The following FBXO8 variants were observed in gnomAD, a reference collection of about 807,000 sequenced individuals.
FBXO8 encodes the protein F-box protein 8, also known as F-box only protein 8.
In FBXO8, 15 loss-of-function variants were observed where a neutral mutation model predicts 33.4. That is an observed-to-expected ratio of 0.45 (90% CI 0.30 to 0.69). The LOEUF (loss-of-function observed/expected upper bound fraction) is 0.69. Among genes scored for constraint, FBXO8 ranks in the 30% least tolerant of loss-of-function variants. The pLI, the probability that FBXO8 is intolerant of heterozygous loss-of-function variation, is 0.08. For synonymous variants in FBXO8, 132 were observed against 131.5 expected, an observed-to-expected ratio of 1.00 and a Z score of -0.02; for missense variants, 274 against 380.3, an observed-to-expected ratio of 0.72 and a Z score of 2.32.
In FBXO8 at chr4:174,259,382, C is replaced by T. The variant is rs1319922574; in HGVS notation, c.456+317G>A. ...CTGCAGATAAAATCTGATGAACACA[C>T]TCTGTGTTCTTATTATCAAATTTTT... is the stretch of plus-strand genomic sequence containing the variant. On this transcript the variant is annotated intron_variant, in intron 3 of 5. Coordinates refer to ENST00000393674, the MANE Select transcript of FBXO8 (RefSeq NM_012180.3). This position sits in a 1 kb window ranked among gnomAD's most constrained non-coding sequence, Gnocchi z 4.3. Among the ~76,000 whole-genome samples the T allele has an allele frequency of 6.6e-6, 1 of 152,014 alleles. No homozygotes were observed. Among genetic ancestry groups the T allele is most frequent in the African/African-American group, 2.4e-5 (1 of 41,422 alleles).
chr4:174,258,576 T>A (rs1329520677), intron 3 of FBXO8, among the ~76,000 whole-genome samples: 1 of 152,130 alleles, frequency 6.6e-6, no homozygotes, highest in Non-Finnish European at 1.5e-5. Flanking sequence ...ATATATATAC[T>A]TTGTTATATT....
At position 174,237,675 on chromosome 4, in the gene FBXO8, A is replaced by C; in HGVS notation, c.773-76T>G. ...ATTCCAATGGCATTATATAAGGCAA[A>C]AATGTTCATAATTTCAAGATATCAA... On this transcript the variant is annotated intron_variant, in intron 5 of 5. Coordinates refer to ENST00000393674, the MANE Select transcript of FBXO8 (RefSeq NM_012180.3). This position sits in a 1 kb window ranked among gnomAD's most constrained non-coding sequence, Gnocchi z 4.4. 1 of 1,196,744 alleles carries C rather than the reference A, an allele frequency of 8.4e-7. No homozygotes were observed. The highest frequency in any genetic ancestry group is 1.2e-6 in the Non-Finnish European group (1 of 859,876). 74.1% of individuals were successfully genotyped at this position (1,196,744 alleles called of 1,614,324 possible). A position where few individuals can be genotyped will look rare whatever the true frequency, so the allele number is the denominator to read the frequency against.
rs1218045405 is a variant in FBXO8, at chr4:174,277,461, T to G, written c.-9+5949A>C. Among the ~76,000 whole-genome samples, 2 of 152,168 alleles carry G rather than the reference T, an allele frequency of 1.3e-5. No individual in the cohort carries two copies. The highest frequency in any genetic ancestry group is 4.8e-5 in the African/African-American group (2 of 41,464). On this transcript the variant is annotated intron_variant, in intron 1 of 5. Transcript: ENST00000393674. This position sits in a 1 kb window ranked among gnomAD's most constrained non-coding sequence, Gnocchi z 4.9. ...CACTAAGCACTCAAATGGCACATGC[T>G]GTGCAGACAATAAGTAATGAAGAAT...
chr4:174,253,931 A>C lies in FBXO8; in HGVS notation c.456+5768T>G, dbSNP rs1463661239. ...AGCATCTTGCTATCAAGAGAGGGTG[A>C]AAGTCAACACACTCAGGTCCATCAA... On this transcript the variant is annotated intron_variant, in intron 3 of 5. Coordinates refer to ENST00000393674, the MANE Select transcript of FBXO8 (RefSeq NM_012180.3). This position sits in a 1 kb window ranked among gnomAD's most constrained non-coding sequence, Gnocchi z 4.5. Among the ~76,000 whole-genome samples the C allele has an allele frequency of 6.6e-6, 1 of 152,136 alleles. No individual in the cohort carries two copies.
chr4:174,267,880 T>C lies in FBXO8; in HGVS notation c.-8-4780A>G, dbSNP rs530722214. Among the ~76,000 whole-genome samples, 7 of 152,128 alleles carry C rather than the reference T, an allele frequency of 4.6e-5. No homozygotes were observed. Among genetic ancestry groups the C allele is most frequent in the Non-Finnish European group, 8.8e-5 (6 of 68,028 alleles). On this transcript the variant is annotated intron_variant, in intron 1 of 5. Transcript: ENST00000393674. This position sits in a 1 kb window ranked among gnomAD's most constrained non-coding sequence, Gnocchi z 4.7. ...ACTGAATATGCAAAAAGTTTCAAAT[T>C]CAAAAAAAATTCAACACAAAATAAG...
rs182687207 is a variant in FBXO8, at chr4:174,268,672, G to A, written c.-8-5572C>T. On this transcript the variant is annotated intron_variant, in intron 1 of 5. Coordinates refer to ENST00000393674, the MANE Select transcript of FBXO8 (RefSeq NM_012180.3). ...AGGATGGTCTCCATCTCCTGACCTC[G>A]TGATCCGCCCGCCTTGGCCTCCCAA... Among the ~76,000 whole-genome samples, 516 of 152,234 alleles carry A rather than the reference G, an allele frequency of 3.4e-3. 8 individuals carry two copies. Among genetic ancestry groups the A allele is most frequent in the African/African-American group, 0.011 (468 of 41,564 alleles).
chr4:174,262,641 G>C lies in FBXO8; in HGVS notation c.329+123C>G. On this transcript the variant is annotated intron_variant, in intron 2 of 5. Transcript: ENST00000393674. This position sits in a 1 kb window ranked among gnomAD's most constrained non-coding sequence, Gnocchi z 4.6. Reference sequence around the variant, plus strand: ...GTATATTTTTCCAGGTTTTAATAAAGAGCATCTCAAAGTACAAGCCCAAGT... The same window carrying C: ...GTATATTTTTCCAGGTTTTAATAAACAGCATCTCAAAGTACAAGCCCAAGT... The C allele has an allele frequency of 2.6e-6, 2 of 763,104 alleles. No individual in the cohort carries two copies. Among genetic ancestry groups the C allele is most frequent in the Admixed American group, 2.9e-5 (1 of 34,382 alleles). 47.3% of individuals were successfully genotyped at this position (763,104 alleles called of 1,614,324 possible). A position where few individuals can be genotyped will look rare whatever the true frequency, so the allele number is the denominator to read the frequency against.
chr4:174,239,160 C>A lies in FBXO8; in HGVS notation c.606G>T (p.Leu202Phe). Residue 202 changes from leucine to phenylalanine, a missense_variant, in exon 5 of 6, where the codon TTG becomes TTT. Leu to Phe is a conservative substitution (Grantham distance 22, BLOSUM62 0). This residue lies in a region of FBXO8 where 186 missense variants were observed against 293.4 expected (regional missense o/e 0.63). Transcript: ENST00000393674. ...GCAAGAACTGATTTCTAAAATTATG[C>A]AATGTTACAAGGTCATCCAAGACAT... ...RRDVLDDLVT[L>F]HNFRNQFLPN... is the part of the protein sequence containing the mutation. 6.3e-7 allele frequency: 1 copy of A among 1,591,670 alleles called. No individual in the cohort carries two copies. The highest frequency in any genetic ancestry group is 8.6e-7 in the Non-Finnish European group (1 of 1,167,380).
chr4:174,243,559 C>T (rs1452539084), intron 3 of FBXO8, among the ~76,000 whole-genome samples: 1 of 142,412 alleles, frequency 7.0e-6, no homozygotes, highest in African/African-American at 2.5e-5. Flanking sequence ...GTCAAAAAAC[C>T]GCAATCACTT....
rs1364582137 is a variant in FBXO8 at position 174,241,227 on chromosome 4, G to C, written c.457-9C>G. On this transcript the variant is annotated splice_polypyrimidine_tract_variant and intron_variant, in intron 3 of 5. Transcript: ENST00000393674. The surrounding 1 kb of genome is among the most constrained non-coding windows in gnomAD (Gnocchi z 4.2). ...ATAAAGTAGTTCACTCCCTAAGGCA[G>C]AAAGACAAGTCTACATAAATAAAAT... The C allele has an allele frequency of 6.7e-7, 1 of 1,503,454 alleles. No individual in the cohort carries two copies. Among genetic ancestry groups the C allele is most frequent in the South Asian group, 1.2e-5 (1 of 84,516 alleles). The allele number at this position is 1,503,454 out of a possible 1,614,324, so 93.1% of individuals were successfully genotyped here.
Position 174,255,863 on chromosome 4 carries a change from G to T in FBXO8, c.456+3836C>A, listed in dbSNP as rs556020221. Among the ~76,000 whole-genome samples the T allele has an allele frequency of 6.6e-6, 1 of 152,168 alleles. No individual in the cohort carries two copies. The highest frequency in any genetic ancestry group is 1.5e-5 in the Non-Finnish European group (1 of 68,026). On this transcript the variant is annotated intron_variant, in intron 3 of 5. Transcript: ENST00000393674. The surrounding 1 kb of genome is among the most constrained non-coding windows in gnomAD (Gnocchi z 4.3). ...TTGACACACACAACTTGTACATGCA[G>T]GGAAAATACAACTTAATGTAAACAG... is the stretch of plus-strand genomic sequence containing the variant.
rs1268950948 is a variant in FBXO8 at position 174,236,964 on chromosome 4, C to A, written c.*448G>T. ...GATCAGAATCAAATAAATTTCAGAA[C>A]TCAGTTTGAGAGAAAAGGAAAAACT... On this transcript the variant is annotated 3_prime_UTR_variant, in exon 6 of 6. Coordinates refer to ENST00000393674, the MANE Select transcript of FBXO8 (RefSeq NM_012180.3). 6.6e-6 allele frequency: 1 copy of A among 152,198 alleles called. No individual in the cohort carries two copies. Among genetic ancestry groups the A allele is most frequent in the Non-Finnish European group, 1.5e-5 (1 of 68,114 alleles). 9.4% of individuals were successfully genotyped at this position (152,198 alleles called of 1,614,324 possible). A position where few individuals can be genotyped will look rare whatever the true frequency, so the allele number is the denominator to read the frequency against.
rs938549051 is a variant in FBXO8, at chr4:174,238,893, T to G, written c.772+101A>C. 5.7e-6 allele frequency: 4 copies of G among 707,542 alleles called. No individual in the cohort carries two copies. In the Admixed American group the frequency reaches 1.1e-4, roughly 19 times the overall value. 43.8% of individuals were successfully genotyped at this position (707,542 alleles called of 1,614,324 possible). A position where few individuals can be genotyped will look rare whatever the true frequency, so the allele number is the denominator to read the frequency against. On this transcript the variant is annotated intron_variant, in intron 5 of 5. Coordinates refer to ENST00000393674, the MANE Select transcript of FBXO8 (RefSeq NM_012180.3). ...CAGTAAAACAAGTATTTGTAATTAC[T>G]GAGAATATTTTTCCCCACAGTGAGA...
At position 174,275,973 on chromosome 4, in the gene FBXO8, C is replaced by T. The variant is rs1036681155; in HGVS notation, c.-9+7437G>A. ...TTAGTCTAATAAAAAAGACAATGTA[C>T]ATATAAAATACATTAATTAGAAAAT... On this transcript the variant is annotated intron_variant, in intron 1 of 5. Transcript: ENST00000393674. This position sits in a 1 kb window ranked among gnomAD's most constrained non-coding sequence, Gnocchi z 4.4. Among the ~76,000 whole-genome samples, 1 of 152,018 alleles carries T rather than the reference C, an allele frequency of 6.6e-6. No individual in the cohort carries two copies. Among genetic ancestry groups the T allele is most frequent in the African/African-American group, 2.4e-5 (1 of 41,404 alleles).
intron 5 of FBXO8, among the ~76,000 whole-genome samples, chr4:174,238,603 ATATGTGTATATAGACATAGACACAGTC>A: frequency 6.6e-6 from 1 of 151,112 alleles, no homozygotes; most frequent in Non-Finnish European, 1.5e-5. Flanking sequence ...CTATATGTCT[ATATGTGTATATAGACATAGACACAGTC>A]TATGTGTATG....
chr4:174,279,985 GACC>G (rs1462707997), intron 1 of FBXO8, among the ~76,000 whole-genome samples: 1 of 151,816 alleles, frequency 6.6e-6, no homozygotes, highest in Non-Finnish European at 1.5e-5. Context: ...AGAGGAAACA[GACC>G]AACTGAACAT....
chr4:174,279,175 G>C (rs1440494841), intron 1 of FBXO8, among the ~76,000 whole-genome samples: 2 of 152,028 alleles, frequency 1.3e-5, no homozygotes, highest in African/African-American at 2.4e-5. Flanking sequence ...CAGCAAAGTA[G>C]AAAGACATAA....
chr4:174,254,845 T>C lies in FBXO8; in HGVS notation c.456+4854A>G, dbSNP rs1736382059. Among the ~76,000 whole-genome samples, 1 of 152,132 alleles carries C rather than the reference T, an allele frequency of 6.6e-6. No homozygotes were observed. Among genetic ancestry groups the C allele is most frequent in the South Asian group, 2.1e-4 (1 of 4,828 alleles). ...GAAGATTACATCAGATAACTGCAAG[T>C]GAACAACAGGGTATTTCAACCATTC... On this transcript the variant is annotated intron_variant, in intron 3 of 5. Coordinates refer to ENST00000393674, the MANE Select transcript of FBXO8 (RefSeq NM_012180.3). This position sits in a 1 kb window ranked among gnomAD's most constrained non-coding sequence, Gnocchi z 4.2.
chr4:174,248,834 A>G (rs989830903), intron 3 of FBXO8, among the ~76,000 whole-genome samples: 24 of 152,064 alleles, frequency 1.6e-4, no homozygotes, highest in Non-Finnish European at 8.8e-5. Flanking sequence ...GGACAGAGAT[A>G]TATACACCTG....
Sources: allele counts gnomAD v4.1 joint callset (sites outside exome capture counted in the v4.1 genomes callset), GRCh38; gene constraint gnomAD v4.1.1; regional missense constraint gnomAD v4.1.1; non-coding constraint Gnocchi (gnomAD v3.1); transcripts MANE v1.5; gene names NCBI Gene and HGNC (gene_info 2026-07-23, HGNC 2026-07-21).